The following CPS1 variants were observed in gnomAD, a reference collection of about 807,000 sequenced individuals.
CPS1 encodes the protein carbamoyl-phosphate synthase [ammonia], mitochondrial.
A neutral mutation model predicts 174.6 loss-of-function variants in CPS1; 109 were observed. That is an observed-to-expected ratio of 0.62 (90% CI 0.53 to 0.73). The LOEUF (loss-of-function observed/expected upper bound fraction) is 0.73, where lower values mean the gene tolerates loss of function less well. CPS1 is among the 30% of genes least tolerant of loss of function. The pLI is 0.00. For synonymous variants in CPS1, 637 were observed against 632.0 expected (o/e 1.01, Z -0.12); for missense variants, 1,689 against 1,821.9 (o/e 0.93, Z 1.33).
chr2:210,554,377 A>C (rs995525794), upstream of CPS1, among the ~76,000 whole-genome samples: 1 of 151,612 alleles, frequency 6.6e-6, no homozygotes, highest in Non-Finnish European at 1.5e-5. Context: ...TTCTCTCTAG[A>C]CTTTAGAGTA....
At chr2:210,511,456 A>C (rs1695489897) in intron 1 of CPS1, among the ~76,000 whole-genome samples, 1 of 152,078 alleles carries the variant, frequency 6.6e-6, no homozygotes, top group Admixed American at 6.6e-5. Context: ...TGGGTGCAGC[A>C]CACCAACATG....
At chr2:210,519,774 T>C (rs1695773572) in intron 1 of CPS1, 15 of 985,134 alleles carry the variant, frequency 1.5e-5, no homozygotes, top group Non-Finnish European at 1.8e-5. Context: ...CTGATGAAAA[T>C]GTTGGAAGAG....
At chr2:210,556,094 C>A (rs1198437801), upstream of CPS1, among the ~76,000 whole-genome samples, 1 of 151,804 alleles carries the variant, frequency 6.6e-6, no homozygotes, top group South Asian at 2.1e-4. Context: ...CTCTATTAAC[C>A]CAAAACATAA....
chr2:210,529,453 T>C (rs1362878604), intron 1 of CPS1, among the ~76,000 whole-genome samples: 1 of 152,004 alleles, frequency 6.6e-6, no homozygotes, highest in East Asian at 1.9e-4. Flanking sequence ...GTTAGGTTTA[T>C]GCAATTTGGG....
rs3217217 is a variant in CPS1, at chr2:210,668,076, A to ATGTGTGTGTG, written c.4003-90_4003-81dup. On this transcript the variant is annotated intron_variant, in intron 33 of 37. Coordinates refer to ENST00000233072, the MANE Select transcript of CPS1 (RefSeq NM_001875.5). ...TAAAGTACTTTCCATTTGTGCGTGC[A>ATGTGTGTGTG]TGTGTGTGTGTGTGTGTGTGTGTGT... 5.7e-4 allele frequency: 381 copies of ATGTGTGTGTG among 664,144 alleles called. 2 individuals are homozygous for ATGTGTGTGTG. Among genetic ancestry groups the ATGTGTGTGTG allele is most frequent in the Admixed American group, 5.6e-3 (260 of 46,620 alleles). The allele number at this position is 664,144 out of a possible 1,614,324, so 41.1% of individuals were successfully genotyped here. A position where few individuals can be genotyped will look rare whatever the true frequency, so the allele number is the denominator to read the frequency against.
At chr2:210,560,148 A>G (rs184767121) in intron 1 of CPS1, among the ~76,000 whole-genome samples, 195 of 152,230 alleles carry the variant, frequency 1.3e-3, no homozygotes, top group Non-Finnish European at 2.3e-3. Context: ...AAAATGAAGC[A>G]AATAATCTTT....
intron 5 of CPS1, 39 bp downstream of exon 5, chr2:210,579,809 G>GGTGTGTGTGT (rs35833900): frequency 5.8e-5 from 78 of 1,338,484 alleles, no homozygotes; most frequent in African/African-American, 4.2e-4. Context: ...TGTTTCTTCG[G>GGTGTGTGTGT]GTGTGTGTGT....
intron 1 of CPS1, among the ~76,000 whole-genome samples, chr2:210,544,301 C>T (rs1696507830): frequency 6.6e-6 from 1 of 152,094 alleles, no homozygotes; most frequent in African/African-American, 2.4e-5. Flanking sequence ...TCTCTGCACA[C>T]AGCTCATTTG....
At chr2:210,485,357 C>T (rs1474902578) in intron 1 of CPS1, among the ~76,000 whole-genome samples, 1 of 151,956 alleles carries the variant, frequency 6.6e-6, no homozygotes, top group Non-Finnish European at 1.5e-5. Flanking sequence ...AAATCATCAC[C>T]AAAATTGAGA....
In CPS1 at chr2:210,572,739, A is replaced by G. The variant is rs1157991639; in HGVS notation, c.127-559A>G. On this transcript the variant is annotated intron_variant, in intron 1 of 37. Transcript: ENST00000233072. ...GTTTTGTGTCAGCATTAAGAGAGTGATAAAGTTTCAGTTTCTTCATGAACA... is the reference window on the plus strand; with the variant it reads ...GTTTTGTGTCAGCATTAAGAGAGTGGTAAAGTTTCAGTTTCTTCATGAACA... Among the ~76,000 whole-genome samples, 3 of 152,080 alleles carry G rather than the reference A, an allele frequency of 2.0e-5. No homozygotes were observed. The East Asian group carries it at 5.8e-4, about 29-fold the overall frequency.
chr2:210,499,268 G>A (rs550379114), intron 1 of CPS1, among the ~76,000 whole-genome samples: 2 of 152,200 alleles, frequency 1.3e-5, no homozygotes, highest in South Asian at 4.2e-4. Flanking sequence ...GGGACCCACT[G>A]CACCGTGATC....
chr2:210,491,550 C>T (rs1355527385), intron 1 of CPS1, among the ~76,000 whole-genome samples: 10 of 151,876 alleles, frequency 6.6e-5, no homozygotes, highest in Non-Finnish European at 1.2e-4. Context: ...CCTGACCTCG[C>T]GATCCGCCTG....
At chr2:210,539,836 A>G (rs1459792922) in intron 1 of CPS1, among the ~76,000 whole-genome samples, 1 of 152,124 alleles carries the variant, frequency 6.6e-6, no homozygotes, top group Admixed American at 6.6e-5. Flanking sequence ...CTGTACTCTC[A>G]GAACCTCTGT....
intron 6 of CPS1, among the ~76,000 whole-genome samples, chr2:210,585,673 G>A (rs1370670449): frequency 1.3e-5 from 2 of 151,356 alleles, no homozygotes; most frequent in African/African-American, 4.9e-5. Context: ...TAATAGTTAT[G>A]CAACTAACAG....
intron 17 of CPS1, 152 bp from the exon 18 acceptor site, chr2:210,606,579 A>C (rs1017172893): frequency 2.0e-5 from 15 of 761,572 alleles, no homozygotes; most frequent in Non-Finnish European, 3.4e-5. Flanking sequence ...ATATGGGCAA[A>C]ACAGGAATTG....
intron 22 of CPS1, 102 bp downstream of exon 22, chr2:210,637,945 A>G (rs1458318717): frequency 9.1e-6 from 12 of 1,321,358 alleles, no homozygotes; most frequent in South Asian, 4.8e-5. Flanking sequence ...AGAGGAGTGG[A>G]ATTAAGAAGT....
At chr2:210,639,339 G>A (rs908255962) in intron 23 of CPS1, 124 bp downstream of exon 23, 11 of 803,406 alleles carry the variant, frequency 1.4e-5, no homozygotes, top group South Asian at 2.9e-5. Flanking sequence ...ATGGCCGGGC[G>A]CGGTGGCTCA....
At chr2:210,589,493 A>G (rs188327047) in intron 7 of CPS1, among the ~76,000 whole-genome samples, 1 of 152,130 alleles carries the variant, frequency 6.6e-6, no homozygotes, top group Non-Finnish European at 1.5e-5. Flanking sequence ...GGCCAACTTA[A>G]CATTTTCAGA....
chr2:210,608,039 G>A (rs1267702232), intron 18 of CPS1, among the ~76,000 whole-genome samples: 3 of 151,826 alleles, frequency 2.0e-5, no homozygotes, highest in African/African-American at 7.3e-5. Context: ...CATCTTAGTG[G>A]AGGTTAAATA....
Sources: allele counts gnomAD v4.1 joint callset (sites outside exome capture counted in the v4.1 genomes callset), GRCh38; gene constraint gnomAD v4.1.1; transcripts MANE v1.5; gene names NCBI Gene and HGNC (gene_info 2026-07-23, HGNC 2026-07-21).